Variants in NGRN observed in about 807,000 individuals in gnomAD.
The protein encoded by NGRN is neugrin.
Under a neutral mutation model 13.1 loss-of-function variants are expected in NGRN, and 12 were observed. The ratio of observed to expected loss-of-function variants is 0.92; its 90% confidence interval spans 0.59 to 1.49. NGRN has a LOEUF of 1.49. Among genes scored for constraint, NGRN ranks in the 40% most tolerant of loss-of-function variants. The pLI is 0.00. For missense variants in NGRN, 397 were observed against 357.0 expected (o/e 1.11, Z -0.90); for synonymous variants, 149 against 145.8 (o/e 1.02, Z -0.16).
intron 2 of NGRN, among the ~76,000 whole-genome samples, chr15:90,270,360 C>T (rs994761576): frequency 3.3e-5 from 5 of 152,214 alleles, no homozygotes; most frequent in African/African-American, 1.2e-4. Context: ...TTACATTTCA[C>T]AAGCTCTTCA....
intron 2 of NGRN, among the ~76,000 whole-genome samples, chr15:90,269,781 C>T (rs781229130): frequency 2.0e-5 from 3 of 152,146 alleles, no homozygotes; most frequent in Non-Finnish European, 4.4e-5. Context: ...TAGAATTCAT[C>T]GTTGTTCCCT....
In NGRN at chr15:90,266,366, G is replaced by C; in HGVS notation, c.243G>C (p.Arg81Ser). The C allele has an allele frequency of 6.2e-7, 1 of 1,613,838 alleles. No individual in the cohort carries two copies. The highest frequency in any genetic ancestry group is 8.5e-7 in the Non-Finnish European group (1 of 1,179,920). ...TGGAGGCGCCTGGTGCCCCGCCCAG[G>C]ACCCTGACGTGGGAAGCCATGGAGC... ...RQMEAPGAPPRTLTWEAMEQI... is the reference protein window; with the variant it reads ...RQMEAPGAPPSTLTWEAMEQI... The change falls in exon 2 of 3, where the codon AGG (arginine) becomes AGC (serine). Residue 81 changes from arginine (R) to serine (S), a missense_variant. Coordinates refer to ENST00000379095, the MANE Select transcript of NGRN (RefSeq NM_001033088.3).
chr15:90,270,876 G>A (rs1011177414), intron 2 of NGRN, among the ~76,000 whole-genome samples: 1 of 152,142 alleles, frequency 6.6e-6, no homozygotes, highest in Non-Finnish European at 1.5e-5. Flanking sequence ...TGCCCAGGCT[G>A]GAGTGCAGTG....
intron 2 of NGRN, among the ~76,000 whole-genome samples, chr15:90,268,850 C>T (rs1963464426): frequency 6.6e-6 from 1 of 150,648 alleles, no homozygotes; most frequent in Non-Finnish European, 1.5e-5. Context: ...ACCTGGTCTC[C>T]AGTTTCTGAG....
intron 2 of NGRN, among the ~76,000 whole-genome samples, chr15:90,269,076 A>G (rs1462104273): frequency 2.1e-5 from 3 of 143,690 alleles, no homozygotes; most frequent in African/African-American, 7.8e-5. Context: ...GCTCACTGCA[A>G]CCTCTGCCTC....
chr15:90,271,839 T>C lies in NGRN; in HGVS notation c.*51T>C, dbSNP rs748938627. ...CTCGTGAAACACAGCTGGGCAAGTA[T>C]TAATGTATATGGAACAGCCTGGATT... On this transcript the variant is annotated 3_prime_UTR_variant, in exon 3 of 3. Coordinates refer to ENST00000379095, the MANE Select transcript of NGRN (RefSeq NM_001033088.3). 1.3e-6 allele frequency: 2 copies of C among 1,592,902 alleles called. No individual in the cohort carries two copies. The highest frequency in any genetic ancestry group is 1.3e-5 in the African/African-American group (1 of 74,452).
rs1327469773 is a variant in NGRN, at chr15:90,271,883, A to G, written c.*95A>G. On this transcript the variant is annotated 3_prime_UTR_variant, in exon 3 of 3. Coordinates refer to ENST00000379095, the MANE Select transcript of NGRN (RefSeq NM_001033088.3). ...CTGGATTTCTGCATATGGATAAGCC[A>G]CCTTGGAATAGGAAGAGGTGTTGAG... is the stretch of plus-strand genomic sequence containing the variant. 1.3e-6 allele frequency: 2 copies of G among 1,501,326 alleles called. No individual in the cohort carries two copies. Among genetic ancestry groups the G allele is most frequent in the East Asian group, 4.5e-5 (2 of 44,140 alleles). The allele number at this position is 1,501,326 out of a possible 1,614,324, so 93.0% of individuals were successfully genotyped here.
intron 2 of NGRN, 64 bp from the exon 3 acceptor site, chr15:90,271,124 G>A: frequency 6.5e-7 from 1 of 1,547,714 alleles, no homozygotes; most frequent in East Asian, 2.3e-5. Flanking sequence ...CATAGGTATT[G>A]CGAGTTAGAT....
rs370598919 is a variant in NGRN at position 90,271,196 on chromosome 15, A to T, written c.284A>T (p.His95Leu). Residue 95 changes from histidine to leucine, a missense_variant, in exon 3 of 3, where the codon CAT becomes CTT. Coordinates refer to ENST00000379095, the MANE Select transcript of NGRN (RefSeq NM_001033088.3). ...GCTCCTTCTTCCCGTAGGTATTTAC[A>T]TGAGGAATTTCCAGAGTCCTGGTCA... ...WEAMEQIRYL[H>L]EEFPESWSVP... is the part of the protein sequence containing the mutation. The T allele has an allele frequency of 6.2e-7, 1 of 1,610,586 alleles. No individual in the cohort carries two copies. The highest frequency in any genetic ancestry group is 2.2e-5 in the East Asian group (1 of 44,844).
At chr15:90,268,254 C>T (rs1184820270) in intron 2 of NGRN, among the ~76,000 whole-genome samples, 3 of 152,074 alleles carry the variant, frequency 2.0e-5, no homozygotes, top group Non-Finnish European at 4.4e-5. Flanking sequence ...CCACCCACCT[C>T]GGCCTCCCAA....
chr15:90,268,924 C>A (rs1187130327), intron 2 of NGRN, among the ~76,000 whole-genome samples: 1 of 143,112 alleles, frequency 7.0e-6, no homozygotes, highest in Non-Finnish European at 1.5e-5. Flanking sequence ...GCTACTGCAC[C>A]CAGCTGAAAC....
intron 2 of NGRN, among the ~76,000 whole-genome samples, chr15:90,267,592 C>T (rs1253475151): frequency 6.6e-6 from 1 of 152,176 alleles, no homozygotes; most frequent in South Asian, 2.1e-4. Flanking sequence ...CTTCCCATCT[C>T]GGCCTCCCAA....
At position 90,265,761 on chromosome 15, in the gene NGRN, G is replaced by C. The variant is rs775340321; in HGVS notation, c.49G>C (p.Val17Leu). 1 of 1,613,080 alleles carries C rather than the reference G, an allele frequency of 6.2e-7. No individual in the cohort carries two copies. The highest frequency in any genetic ancestry group is 8.5e-7 in the Non-Finnish European group (1 of 1,179,880). The change falls in exon 1 of 3, where the codon GTC becomes CTC. Residue 17 changes from valine to leucine, a missense_variant. Physicochemically the swap from Val to Leu is conservative, Grantham distance 32 (BLOSUM62 1). Transcript: ENST00000379095. ...GCTGGGCGGGCGCGTTTGCGCCGCC[G>C]TCACTCGCTGTGGGTTCGCGACCCG... ...LLLGGRVCAA[V>L]TRCGFATRGV...
chr15:90,266,565 C>T (rs1963425925), intron 2 of NGRN, among the ~76,000 whole-genome samples, 167 bp downstream of exon 2: 1 of 152,090 alleles, frequency 6.6e-6, no homozygotes, highest in South Asian at 2.1e-4. Context: ...CTTCCCTAAC[C>T]CTGTCATTAT....
chr15:90,270,559 C>G (rs1963488656), intron 2 of NGRN, among the ~76,000 whole-genome samples: 1 of 152,164 alleles, frequency 6.6e-6, no homozygotes, highest in African/African-American at 2.4e-5. Flanking sequence ...GTGCTATAAC[C>G]TTTACCATAA....
In NGRN at chr15:90,271,273, G is replaced by A. The variant is rs760873705; in HGVS notation, c.361G>A (p.Val121Ile). ...TGTCAGCACTGATGTGATCCGAAGA[G>A]TTTTAAAAAGCAAGTTTTTACCCAC... ...FDVSTDVIRR[V>I]LKSKFLPTLE... Residue 121 changes from valine (V) to isoleucine (I), a missense_variant, in exon 3 of 3, where the codon GTT becomes ATT. Coordinates refer to ENST00000379095, the MANE Select transcript of NGRN (RefSeq NM_001033088.3). The A allele has an allele frequency of 1.7e-5, 27 of 1,614,138 alleles. No individual in the cohort carries two copies. The highest frequency in any genetic ancestry group is 2.2e-5 in the Non-Finnish European group (26 of 1,180,048).
In NGRN at chr15:90,271,184, G is replaced by A. The variant is rs375937415; in HGVS notation, c.276-4G>A. The A allele has an allele frequency of 1.7e-5, 27 of 1,604,734 alleles. No individual in the cohort carries two copies. The African/African-American group carries it at 2.2e-4, about 13-fold the overall frequency. On this transcript the variant is annotated splice_region_variant and splice_polypyrimidine_tract_variant and intron_variant, in intron 2 of 2. Transcript: ENST00000379095. ...ACTTGCAAACCTGCTCCTTCTTCCC[G>A]TAGGTATTTACATGAGGAATTTCCA...
chr15:90,265,702 T>G lies in NGRN; in HGVS notation c.-11T>G, dbSNP rs1963400586. The G allele has an allele frequency of 6.2e-7, 1 of 1,613,208 alleles. No individual in the cohort carries two copies. Among genetic ancestry groups the G allele is most frequent in the Non-Finnish European group, 8.5e-7 (1 of 1,179,852 alleles). ...TTCGTAGCCGACTGCTGAAGGCTGG[T>G]TTGCGTCGACATGGCGGTTACCCTG... is the stretch of plus-strand genomic sequence containing the variant. On this transcript the variant is annotated 5_prime_UTR_variant, in exon 1 of 3. Coordinates refer to ENST00000379095, the MANE Select transcript of NGRN (RefSeq NM_001033088.3).
chr15:90,269,880 A>C (rs1490824644), intron 2 of NGRN, among the ~76,000 whole-genome samples: 1 of 152,132 alleles, frequency 6.6e-6, no homozygotes, highest in East Asian at 1.9e-4. Flanking sequence ...TGCTTCCCCC[A>C]ATATTTAGTC....
Sources: gnomAD v4.1 joint callset for allele counts (sites outside exome capture counted in the v4.1 genomes callset) on GRCh38, gnomAD v4.1.1 for gene constraint, MANE v1.5 for transcripts, NCBI Gene and HGNC (gene_info 2026-07-23, HGNC 2026-07-21) for gene names.